TCN2: variants seen among roughly 807,000 people sequenced by gnomAD.
TCN2 encodes the protein transcobalamin-2.
A neutral mutation model predicts 48.6 loss-of-function variants in TCN2; 34 were observed. That is an observed-to-expected ratio of 0.70 (90% CI 0.53 to 0.93). TCN2 has a LOEUF of 0.93. Ranked by LOEUF, TCN2 falls within the 40% of genes least tolerant of loss-of-function variation. TCN2 has a pLI of 0.00. For missense variants in TCN2, 652 were observed against 526.1 expected (o/e 1.24, Z -2.34); for synonymous variants, 283 against 212.5 (o/e 1.33, Z -2.89).
intron 7 of TCN2, among the ~76,000 whole-genome samples, chr22:30,620,565 A>C (rs943379353): frequency 2.0e-5 from 3 of 152,258 alleles, no homozygotes; most frequent in African/African-American, 7.2e-5. Context: ...GCACCAGCGC[A>C]GTCACTGATG....
rs2087565732 is a variant in TCN2 at position 30,613,141 on chromosome 22, C to T, written c.427+99C>T. 10 of 1,494,296 alleles carry T rather than the reference C, an allele frequency of 6.7e-6. No individual in the cohort carries two copies. In the South Asian group the frequency reaches 1.1e-4, roughly 16 times the overall value. The allele number at this position is 1,494,296 out of a possible 1,614,324, so 92.6% of individuals were successfully genotyped here. ...CAGAACTTTGGGTTTTCTCCCCAGG[C>T]GTCTTTCCCACCATCCATTCTGCCC... is the stretch of plus-strand genomic sequence containing the variant. On this transcript the variant is annotated intron_variant, in intron 3 of 8. Transcript: ENST00000215838.
chr22:30,621,404 C>T (rs532133879), intron 7 of TCN2, among the ~76,000 whole-genome samples: 1 of 152,290 alleles, frequency 6.6e-6, no homozygotes, highest in East Asian at 1.9e-4. Context: ...CATCACTTCC[C>T]TGTTACTTTG....
At chr22:30,613,942 G>C (rs1381284016) in intron 3 of TCN2, among the ~76,000 whole-genome samples, 1 of 152,084 alleles carries the variant, frequency 6.6e-6, no homozygotes, top group African/African-American at 2.4e-5. Flanking sequence ...CATCTGGACT[G>C]GCTTCCCTGC....
At chr22:30,610,565 G>A (rs5753233) in intron 1 of TCN2, among the ~76,000 whole-genome samples, 2,866 of 152,338 alleles carry the variant, frequency 0.019, 102 homozygotes, top group East Asian at 0.15. Flanking sequence ...CAAGGTGCCC[G>A]GGCACACCAG....
chr22:30,621,457 C>T (rs1204634321), intron 7 of TCN2, among the ~76,000 whole-genome samples: 1 of 131,924 alleles, frequency 7.6e-6, no homozygotes, highest in African/African-American at 2.8e-5. Context: ...CTCCCAGAAC[C>T]TGCTCATTTG....
intron 1 of TCN2, chr22:30,610,141 C>T (rs2087514091): frequency 6.5e-6 from 3 of 464,160 alleles, no homozygotes; most frequent in African/African-American, 2.0e-5. Context: ...TGCACAGCTT[C>T]GAATAAATCC....
intron 3 of TCN2, 41 bp from the exon 4 acceptor site, chr22:30,614,308 T>A (rs760515798): frequency 1.9e-6 from 3 of 1,553,190 alleles, no homozygotes; most frequent in Non-Finnish European, 2.6e-6. Flanking sequence ...GGCTGCTGGG[T>A]GGGGGCAGAG....
rs1460223451 is a variant in TCN2 at position 30,624,074 on chromosome 22, A to G, written c.1222+991A>G. Reference sequence around the variant, plus strand: ...CACACACACACACATATATATATATATATATATTTTTTTTTTTTGAGATGG... The same window carrying G: ...CACACACACACACATATATATATATGTATATATTTTTTTTTTTTGAGATGG... On this transcript the variant is annotated intron_variant, in intron 8 of 8. Transcript: ENST00000215838. Among the ~76,000 whole-genome samples, 2 of 102,198 alleles carry G rather than the reference A, an allele frequency of 2.0e-5. 1 individual carries two copies. The allele number at this position is 102,198 out of a possible 152,430, so 67.0% of individuals were successfully genotyped here.
intron 2 of TCN2, among the ~76,000 whole-genome samples, chr22:30,612,087 GA>G (rs755002958): frequency 4.6e-4 from 68 of 149,324 alleles, no homozygotes; most frequent in Admixed American, 1.1e-3. Context: ...AAAAGAAAAA[GA>G]AAAAAAATGA....
In TCN2 at chr22:30,614,444, G is replaced by A. The variant is rs142791153; in HGVS notation, c.523G>A (p.Val175Met). 2.4e-4 allele frequency: 380 copies of A among 1,614,178 alleles called. 1 individual carries two copies. In the African/African-American group the frequency reaches 4.2e-3, roughly 18 times the overall value. ...CLHQKRVHDS[V>M]VDKLLYAVEP... ...CCACCAGAAGCGGGTCCATGACAGC[G>A]TGGTGGACAAACTTCTGTATGCTGT... Residue 175 changes from valine to methionine, a missense_variant, in exon 4 of 9, where the codon GTG becomes ATG. By Grantham distance (21) the Val-to-Met change is conservative. Coordinates refer to ENST00000215838, the MANE Select transcript of TCN2 (RefSeq NM_000355.4).
At chr22:30,622,916 C>A (rs2087719243) in intron 7 of TCN2, 52 bp from the exon 8 acceptor site, 3 of 1,588,658 alleles carry the variant, frequency 1.9e-6, no homozygotes, top group African/African-American at 2.7e-5. Context: ...TGCCTCTCCC[C>A]TTAGGGACAA....
chr22:30,618,092 C>T (rs561981348), intron 7 of TCN2, among the ~76,000 whole-genome samples: 4 of 149,582 alleles, frequency 2.7e-5, no homozygotes, highest in African/African-American at 4.9e-5. Flanking sequence ...ACTATAGGCA[C>T]GTGCCACACA....
chr22:30,612,059 A>T (rs2087549611), intron 2 of TCN2, among the ~76,000 whole-genome samples: 1 of 152,084 alleles, frequency 6.6e-6, no homozygotes, highest in South Asian at 2.1e-4. Flanking sequence ...CAACATAGTG[A>T]GACCACATCT....
At chr22:30,617,254 G>T in intron 6 of TCN2, 76 bp from the exon 7 acceptor site, 1 of 1,601,064 alleles carries the variant, frequency 6.2e-7, no homozygotes, top group Non-Finnish European at 8.5e-7. Flanking sequence ...AGGTGTCCTT[G>T]AGGGAAGACA....
chr22:30,612,110 T>C (rs549927600), intron 2 of TCN2, among the ~76,000 whole-genome samples: 14 of 151,958 alleles, frequency 9.2e-5, no homozygotes, highest in African/African-American at 3.4e-4. Flanking sequence ...CCAGGTGTAG[T>C]GACTCATGCC....
At position 30,623,723 on chromosome 22, in the gene TCN2, T is replaced by C. The variant is rs1001978617; in HGVS notation, c.1222+640T>C. On this transcript the variant is annotated intron_variant, in intron 8 of 8. Coordinates refer to ENST00000215838, the MANE Select transcript of TCN2 (RefSeq NM_000355.4). The stretch of plus-strand genomic sequence containing the variant: ...AAATATATATATATACAGACACACA[T>C]ATATATGTATACATATATATACACA... Among the ~76,000 whole-genome samples the C allele has an allele frequency of 5.2e-5, 7 of 134,990 alleles. 1 individual carries two copies. The East Asian group carries it at 1.2e-3, about 24-fold the overall frequency. The allele number at this position is 134,990 out of a possible 152,430, so 88.6% of individuals were successfully genotyped here.
At position 30,623,351 on chromosome 22, in the gene TCN2, G is replaced by T. The variant is rs1362735992; in HGVS notation, c.1222+268G>T. ...ACATCACCTAGGATATACTACCTAG[G>T]AATAACGTCTTTTATTTTGAGATGG... On this transcript the variant is annotated intron_variant, in intron 8 of 8. Transcript: ENST00000215838. 9.8e-6 allele frequency: 4 copies of T among 408,314 alleles called. No individual in the cohort carries two copies. The South Asian group carries it at 1.1e-4, about 12-fold the overall frequency. The allele number at this position is 408,314 out of a possible 1,614,324, so 25.3% of individuals were successfully genotyped here. A position where few individuals can be genotyped will look rare whatever the true frequency, so the allele number is the denominator to read the frequency against.
intron 8 of TCN2, 49 bp downstream of exon 8, chr22:30,623,132 T>G: frequency 6.3e-7 from 1 of 1,599,678 alleles, no homozygotes; most frequent in South Asian, 1.1e-5. Flanking sequence ...CCAAGCTTAC[T>G]CAGCCAAGAG....
chr22:30,615,545 A>G, intron 5 of TCN2, 56 bp from the exon 6 acceptor site: 1 of 1,613,680 alleles, frequency 6.2e-7, no homozygotes. Context: ...GTGCTGGAAC[A>G]CCTAGCCCCT....
Sources: allele counts gnomAD v4.1 joint callset (sites outside exome capture counted in the v4.1 genomes callset), GRCh38; gene constraint gnomAD v4.1.1; transcripts MANE v1.5; gene names NCBI Gene and HGNC (gene_info 2026-07-23, HGNC 2026-07-21).